The following CENPC variants were observed in gnomAD, a reference collection of about 807,000 sequenced individuals.
CENPC encodes the protein centromere protein C.
CENPC carries 63 observed loss-of-function variants against 112.1 expected under a neutral mutation model. The ratio of observed to expected loss-of-function variants is 0.56; its 90% CI spans 0.46 to 0.69. The LOEUF (loss-of-function observed/expected upper bound fraction) is 0.69, where lower values mean the gene tolerates loss of function less well. Among genes scored for constraint, CENPC ranks in the 30% least tolerant of loss-of-function variants. The probability of loss-of-function intolerance (pLI) is 0.00; values close to 1 mark genes in which losing one functional copy is unlikely to be tolerated. For missense variants in CENPC, 1,000 were observed against 1,103.8 expected (o/e 0.91, Z 1.33); for synonymous variants, 333 against 367.6 (o/e 0.91, Z 1.08).
chr4:67,508,351 AC>A (rs967805003), intron 10 of CENPC, among the ~76,000 whole-genome samples: 8 of 151,952 alleles, frequency 5.3e-5, no homozygotes, highest in Admixed American at 4.6e-4. Flanking sequence ...CATTTCTCCA[AC>A]AAATTAAAAA....
intron 12 of CENPC, among the ~76,000 whole-genome samples, chr4:67,503,241 T>C (rs924458796): frequency 2.6e-5 from 4 of 152,158 alleles, no homozygotes; most frequent in African/African-American, 9.7e-5. Context: ...TTCTTGGTGT[T>C]CCTCGATCAA....
chr4:67,479,877 C>T (rs1724904384), intron 17 of CENPC, among the ~76,000 whole-genome samples: 1 of 152,118 alleles, frequency 6.6e-6, no homozygotes, highest in African/African-American at 2.4e-5. Context: ...CGTATGAACA[C>T]CTTTATGTAT....
intron 1 of CENPC, among the ~76,000 whole-genome samples, chr4:67,544,605 G>T (rs980820512): frequency 1.3e-5 from 2 of 152,162 alleles, no homozygotes; most frequent in African/African-American, 4.8e-5. Context: ...GAAAAGAAAT[G>T]ATACGGATTT....
intron 16 of CENPC, among the ~76,000 whole-genome samples, chr4:67,491,347 C>T (rs927664948): frequency 2.0e-5 from 3 of 149,612 alleles, no homozygotes; most frequent in South Asian, 2.1e-4. Flanking sequence ...CTACCATTAC[C>T]GCGTTTCTGA....
intron 13 of CENPC, 131 bp from the exon 14 acceptor site, chr4:67,494,119 AG>A: frequency 1.8e-6 from 1 of 543,178 alleles, no homozygotes; most frequent in Middle Eastern, 4.5e-4. Flanking sequence ...ACAAAAGACT[AG>A]AAAAAACAAA....
intron 4 of CENPC, among the ~76,000 whole-genome samples, chr4:67,539,299 G>GT (rs1308567528): frequency 6.6e-6 from 1 of 152,150 alleles, no homozygotes; most frequent in Non-Finnish European, 1.5e-5. Flanking sequence ...CAGTTTTCTA[G>GT]TAAGTGTTAC....
intron 12 of CENPC, among the ~76,000 whole-genome samples, chr4:67,498,446 G>A (rs1725500630): frequency 6.6e-6 from 1 of 152,124 alleles, no homozygotes; most frequent in Admixed American, 6.5e-5. Flanking sequence ...TTTACTCACA[G>A]CAGAACTTCT....
At chr4:67,477,935 G>A (rs1229028073) in intron 17 of CENPC, among the ~76,000 whole-genome samples, 3 of 151,190 alleles carry the variant, frequency 2.0e-5, no homozygotes, top group African/African-American at 4.9e-5. Context: ...CAATAGAATC[G>A]AACGAGTAGA....
intron 8 of CENPC, among the ~76,000 whole-genome samples, chr4:67,513,634 T>C (rs1338106925): frequency 6.6e-6 from 1 of 152,156 alleles, no homozygotes; most frequent in Non-Finnish European, 1.5e-5. Context: ...AATGGGTTAG[T>C]AATTTTTGTG....
At chr4:67,493,793 T>C (rs1408456195) in intron 14 of CENPC, 91 bp downstream of exon 14, 8 of 694,582 alleles carry the variant, frequency 1.2e-5, no homozygotes, top group Admixed American at 5.6e-5. Context: ...GATGATTAAG[T>C]AAGGTAATGT....
Position 67,514,185 on chromosome 4 carries a change from G to GT in CENPC, c.1332dup (p.His445ThrfsTer22). The GT allele has an allele frequency of 6.2e-7, 1 of 1,612,768 alleles. No individual in the cohort carries two copies. The highest frequency in any genetic ancestry group is 8.5e-7 in the Non-Finnish European group (1 of 1,179,474). On this transcript the variant is annotated frameshift_variant, in exon 8 of 19. Coordinates refer to ENST00000273853, the MANE Select transcript of CENPC (RefSeq NM_001812.4). LOFTEE classifies it high-confidence loss of function. ...TCGTCTTGGGTAATATGTGATGTATGTATGTTTTCATCTTTAGACTGTCCC... is the reference window on the plus strand; with the variant it reads ...TCGTCTTGGGTAATATGTGATGTATGTTATGTTTTCATCTTTAGACTGTCCC...
chr4:67,505,029 C>A (rs1191250159), intron 12 of CENPC, 176 bp downstream of exon 12: 1 of 564,832 alleles, frequency 1.8e-6, no homozygotes, highest in African/African-American at 2.0e-5. Context: ...AACTGTCACT[C>A]ATTTTCTTTC....
intron 5 of CENPC, among the ~76,000 whole-genome samples, chr4:67,527,226 C>G (rs1221781637): frequency 1.3e-5 from 2 of 152,046 alleles, no homozygotes; most frequent in Non-Finnish European, 2.9e-5. Context: ...AAATTTTACG[C>G]AAGGCTGGTT....
Position 67,486,969 on chromosome 4 carries a change from T to G in CENPC, c.2670+2998A>C, listed in dbSNP as rs75903797. 8.5e-3 allele frequency among the ~76,000 whole-genome samples: 185 copies of G among 21,806 alleles called. 4 individuals are homozygous for G. The highest frequency in any genetic ancestry group is 0.029 in the Middle Eastern group (1 of 34). The allele number at this position is 21,806 out of a possible 152,430, so 14.3% of individuals were successfully genotyped here. ...TTCAGGTTTTGTATTTGCTTTTAGG[T>G]TTTTTTTTTTTTTTTTCTTTTTTAA... On this transcript the variant is annotated intron_variant, in intron 17 of 18. Coordinates refer to ENST00000273853, the MANE Select transcript of CENPC (RefSeq NM_001812.4).
intron 7 of CENPC, among the ~76,000 whole-genome samples, chr4:67,516,744 G>C (rs1726068677): frequency 6.6e-6 from 1 of 151,992 alleles, no homozygotes; most frequent in African/African-American, 2.4e-5. Flanking sequence ...GTTTACAATA[G>C]GGAAAGATGG....
intron 5 of CENPC, among the ~76,000 whole-genome samples, chr4:67,521,591 T>C (rs1726231686): frequency 6.6e-6 from 1 of 152,212 alleles, no homozygotes; most frequent in Non-Finnish European, 1.5e-5. Context: ...AGTGTGAATG[T>C]AGAATGACAG....
chr4:67,530,661 G>A (rs1726520673), intron 5 of CENPC, among the ~76,000 whole-genome samples, 154 bp downstream of exon 5: 1 of 152,320 alleles, frequency 6.6e-6, no homozygotes, highest in East Asian at 1.9e-4. Context: ...CCATGGAGTT[G>A]TAAGGAAATC....
chr4:67,506,827 A>G lies in CENPC; in HGVS notation c.2012T>C (p.Leu671Ser). The G allele has an allele frequency of 6.2e-7, 1 of 1,611,178 alleles. No individual in the cohort carries two copies. Among genetic ancestry groups the G allele is most frequent in the Non-Finnish European group, 8.5e-7 (1 of 1,178,794 alleles). The change falls in exon 11 of 19, where the codon TTG becomes TCG. Residue 671 changes from leucine (L) to serine (S), a missense_variant. Coordinates refer to ENST00000273853, the MANE Select transcript of CENPC (RefSeq NM_001812.4). ...YTCNIPTESN[L>S]DSGEHKTSVL... is the part of the protein sequence containing the mutation. ...TGAAGTCTTATGCTCTCCAGAATCC[A>G]AGTTTGACTCTGTTGGTATATTACA...
At chr4:67,535,295 A>G (rs2109830644) in intron 4 of CENPC, among the ~76,000 whole-genome samples, 1 of 152,212 alleles carries the variant, frequency 6.6e-6, no homozygotes, top group African/African-American at 2.4e-5. Context: ...GATGAGTCCC[A>G]CCAAAAAAGG....
Sources: gnomAD v4.1 joint callset for allele counts (sites outside exome capture counted in the v4.1 genomes callset) on GRCh38, gnomAD v4.1.1 for gene constraint, MANE v1.5 for transcripts, NCBI Gene and HGNC (gene_info 2026-07-23, HGNC 2026-07-21) for gene names.